Variants in NRXN3 observed in about 807,000 individuals in gnomAD.
The protein encoded by NRXN3 is neurexin III.
A neutral mutation model predicts 137.6 loss-of-function variants in NRXN3; 32 were observed. The ratio of observed to expected loss-of-function variants is 0.23; its 90% CI spans 0.18 to 0.31. The LOEUF (loss-of-function observed/expected upper bound fraction) is 0.31, where lower values mean the gene tolerates loss of function less well. NRXN3 is among the 10% of genes least tolerant of loss of function. The probability of loss-of-function intolerance (pLI) is 1.00; values close to 1 mark genes in which losing one functional copy is unlikely to be tolerated. For synonymous variants in NRXN3, 798 were observed against 784.5 expected, an observed-to-expected ratio of 1.02 and a Z score of -0.29; for missense variants, 1,574 against 2,062.5, an observed-to-expected ratio of 0.76 and a Z score of 4.59.
intron 15 of NRXN3, among the ~76,000 whole-genome samples, chr14:79,419,733 C>A (rs2095548731): frequency 6.6e-6 from 1 of 152,128 alleles, no homozygotes; most frequent in South Asian, 2.1e-4. Context: ...AGTCCTTGGA[C>A]AAGTTACCTC....
At chr14:78,791,107 C>G (rs144696059) in intron 8 of NRXN3, among the ~76,000 whole-genome samples, 1 of 152,152 alleles carries the variant, frequency 6.6e-6, no homozygotes, top group Non-Finnish European at 1.5e-5. Flanking sequence ...AGTCCATTTT[C>G]CTTATAGTTT....
chr14:78,687,271 G>T (rs891576814), intron 6 of NRXN3, among the ~76,000 whole-genome samples: 1 of 152,186 alleles, frequency 6.6e-6, no homozygotes, highest in Non-Finnish European at 1.5e-5. Context: ...GGGAGTGACT[G>T]GTCTGAATTA....
intron 16 of NRXN3, among the ~76,000 whole-genome samples, chr14:79,599,575 C>T (rs2097900496): frequency 1.3e-5 from 2 of 152,208 alleles, no homozygotes; most frequent in Admixed American, 1.3e-4. Flanking sequence ...TCTCAATTTA[C>T]CTGATACCAT....
At chr14:78,519,554 A>G (rs1451717290) in intron 4 of NRXN3, among the ~76,000 whole-genome samples, 1 of 152,168 alleles carries the variant, frequency 6.6e-6, no homozygotes, top group Admixed American at 6.6e-5. Flanking sequence ...TGGTGCTGGG[A>G]AAGCAAAAGA....
rs566353269 is a variant in NRXN3, at chr14:78,465,578, G to A, written c.757+167718G>A. Among the ~76,000 whole-genome samples, 8 of 152,006 alleles carry A rather than the reference G, an allele frequency of 5.3e-5. No homozygotes were observed. The South Asian group carries it at 6.2e-4, about 12-fold the overall frequency. On this transcript the variant is annotated intron_variant, in intron 4 of 20. Transcript: ENST00000335750. ...TTTTGAGACAGAATCTTGCTCTGTC[G>A]CCAGGCTGGAGTGCAGTGGCGCGAT...
At chr14:79,460,961 T>G (rs908706114) in intron 15 of NRXN3, among the ~76,000 whole-genome samples, 6 of 152,210 alleles carry the variant, frequency 3.9e-5, no homozygotes, top group Non-Finnish European at 5.9e-5. Flanking sequence ...GGTGTTTATT[T>G]CAAAAAATTC....
At chr14:78,947,813 G>T (rs2099369828) in intron 10 of NRXN3, among the ~76,000 whole-genome samples, 1 of 152,162 alleles carries the variant, frequency 6.6e-6, no homozygotes, top group African/African-American at 2.4e-5. Flanking sequence ...GGGTATTTAG[G>T]TTAATGGGAA....
chr14:78,346,357 T>A (rs1414560616), intron 4 of NRXN3, among the ~76,000 whole-genome samples: 1 of 152,174 alleles, frequency 6.6e-6, no homozygotes, highest in Non-Finnish European at 1.5e-5. Context: ...GTCTCCTCCC[T>A]ACCTGGTCTC....
chr14:78,838,794 T>C (rs2099004052), intron 10 of NRXN3, among the ~76,000 whole-genome samples: 1 of 152,130 alleles, frequency 6.6e-6, no homozygotes, highest in Non-Finnish European at 1.5e-5. Context: ...GGCACTTCCA[T>C]CTAATATGCT....
At chr14:78,578,973 C>T (rs1448952145) in intron 4 of NRXN3, among the ~76,000 whole-genome samples, 1 of 151,702 alleles carries the variant, frequency 6.6e-6, no homozygotes, top group Admixed American at 6.6e-5. Flanking sequence ...AAAAAGGCTG[C>T]CCTGGAAGCT....
At chr14:78,178,482 G>A (rs1432165152) in intron 1 of NRXN3, among the ~76,000 whole-genome samples, 2 of 152,188 alleles carry the variant, frequency 1.3e-5, no homozygotes, top group African/African-American at 4.8e-5. Context: ...TGTCTGAGGA[G>A]GGAGTTGAGG....
At position 78,243,058 on chromosome 14, in the gene NRXN3, C is replaced by G; in HGVS notation, c.-36C>G. ...GATCCTCTCCGGGCTGTTCCCTGGC[C>G]TGTCTGCTCCTCCGGGCTCTGTCCC... On this transcript the variant is annotated 5_prime_UTR_variant, in exon 2 of 21. Transcript: ENST00000335750. This position sits in a 1 kb window ranked among gnomAD's most constrained non-coding sequence, Gnocchi z 4.2. The G allele has an allele frequency of 7.0e-7, 1 of 1,438,748 alleles. No homozygotes were observed. The highest frequency in any genetic ancestry group is 9.2e-7 in the Non-Finnish European group (1 of 1,084,856). The allele number at this position is 1,438,748 out of a possible 1,614,324, so 89.1% of individuals were successfully genotyped here. A position where few individuals can be genotyped will look rare whatever the true frequency, so the allele number is the denominator to read the frequency against.
At chr14:79,477,287 A>C (rs759837138) in intron 16 of NRXN3, among the ~76,000 whole-genome samples, 32 of 152,242 alleles carry the variant, frequency 2.1e-4, no homozygotes, top group Admixed American at 2.6e-4. Flanking sequence ...ATAAGAAAAG[A>C]GGCAGGTAAT....
chr14:78,767,893 G>T (rs1429533423), intron 8 of NRXN3, among the ~76,000 whole-genome samples: 1 of 152,104 alleles, frequency 6.6e-6, no homozygotes, highest in East Asian at 1.9e-4. Context: ...TCTCAGCCTT[G>T]TCCCTGGGTC....
intron 15 of NRXN3, among the ~76,000 whole-genome samples, chr14:79,126,725 T>C (rs1307190196): frequency 2.0e-5 from 3 of 152,246 alleles, no homozygotes; most frequent in Non-Finnish European, 2.9e-5. Context: ...GTATTTCTAG[T>C]TCTGGATCCC....
At chr14:79,523,656 G>C (rs538142138) in intron 16 of NRXN3, among the ~76,000 whole-genome samples, 1 of 152,182 alleles carries the variant, frequency 6.6e-6, no homozygotes, top group East Asian at 1.9e-4. Context: ...GGAAAAAAAA[G>C]GAGAGAGACA....
At chr14:79,056,678 A>G (rs1433268486) in intron 15 of NRXN3, among the ~76,000 whole-genome samples, 1 of 152,220 alleles carries the variant, frequency 6.6e-6, no homozygotes, top group Non-Finnish European at 1.5e-5. Context: ...AGCTTAGAAA[A>G]TAGTCAGGGC....
chr14:79,149,320 A>G (rs1366569177), intron 15 of NRXN3, among the ~76,000 whole-genome samples: 1 of 150,480 alleles, frequency 6.6e-6, no homozygotes, highest in African/African-American at 2.5e-5. Context: ...CATCCTGGAT[A>G]GGGGGATTTT....
intron 4 of NRXN3, among the ~76,000 whole-genome samples, chr14:78,620,088 T>A (rs540750380): frequency 2.6e-5 from 4 of 152,186 alleles, no homozygotes; most frequent in Non-Finnish European, 5.9e-5. Flanking sequence ...GATACTGTCT[T>A]GTAGGTGAAA....
Sources: allele counts gnomAD v4.1 joint callset (sites outside exome capture counted in the v4.1 genomes callset), GRCh38; gene constraint gnomAD v4.1.1; non-coding constraint Gnocchi (gnomAD v3.1); transcripts MANE v1.5; gene names NCBI Gene and HGNC (gene_info 2026-07-23, HGNC 2026-07-21).